Variants in INTS1 observed in about 807,000 individuals in gnomAD.
The protein encoded by INTS1 is integrator complex subunit 1.
Under a neutral mutation model 241.6 loss-of-function variants are expected in INTS1, and 137 were observed. That is an observed-to-expected ratio of 0.57 (90% CI 0.49 to 0.65). The LOEUF is 0.65. INTS1 is among the 30% of genes least tolerant of loss of function. The pLI is 0.00. For synonymous variants in INTS1, 1,692 were observed against 1,337.8 expected (o/e 1.26, Z -5.78); for missense variants, 3,073 against 3,032.2 (o/e 1.01, Z -0.32).
chr7:1,493,756 T>TCCGCTTGCACGGCAG lies in INTS1; in HGVS notation c.2065_2066insCTGCCGTGCAAGCGG (p.Ala684_Ala688dup). 2 of 1,576,286 alleles carry TCCGCTTGCACGGCAG rather than the reference T, an allele frequency of 1.3e-6. No individual in the cohort carries two copies. The highest frequency in any genetic ancestry group is 8.6e-7 in the Non-Finnish European group (1 of 1,162,722). The stretch of plus-strand genomic sequence containing the variant: ...GCCATCCCCTGCAGAAGCCATACCA[T>TCCGCTTGCACGGCAG]CCGCCTGCACGGCAGCCGCCCGCTT... On this transcript the variant is annotated inframe_insertion, in exon 15 of 48. Coordinates refer to ENST00000404767, the MANE Select transcript of INTS1 (RefSeq NM_001080453.3). This position sits in a 1 kb window ranked among gnomAD's most constrained non-coding sequence, Gnocchi z 5.3.
intron 42 of INTS1, 119 bp from the exon 43 acceptor site, chr7:1,473,303 A>G (rs1427964254): frequency 2.1e-6 from 1 of 485,138 alleles, no homozygotes; most frequent in Admixed American, 2.8e-5. Flanking sequence ...AGAGGCCAGG[A>G]CGCTCAGAGG....
Position 1,476,279 on chromosome 7 carries a change from G to T in INTS1, c.5328C>A (p.Val1776=), listed in dbSNP as rs1326702296. The T allele has an allele frequency of 6.3e-7, 1 of 1,582,772 alleles. No individual in the cohort carries two copies. Among genetic ancestry groups the T allele is most frequent in the Admixed American group, 1.8e-5 (1 of 55,666 alleles). ...CTGACAGGTGCTCCGTCACCTTCCTGACACTCTCATCGTCCCCACAGCAGC... is the reference window on the plus strand; with the variant it reads ...CTGACAGGTGCTCCGTCACCTTCCTTACACTCTCATCGTCCCCACAGCAGC... ...LSCCCGDDES[V]RKVTEHLSGC... is the part of the protein sequence containing the mutation. Residue 1776 remains valine (V), a synonymous_variant, in exon 38 of 48, where the codon GTC becomes GTA. Transcript: ENST00000404767.
intron 3 of INTS1, chr7:1,500,915 CTGT>C (rs1250182656): frequency 6.5e-6 from 1 of 152,856 alleles, no homozygotes; most frequent in Admixed American, 6.5e-5. Context: ...GTGTTTGCCA[CTGT>C]TGGATCGGAG....
rs765347552 is a variant in INTS1, at chr7:1,470,840, C to G, written c.6457+6G>C. 1 of 1,579,480 alleles carries G rather than the reference C, an allele frequency of 6.3e-7. No homozygotes were observed. Among genetic ancestry groups the G allele is most frequent in the Non-Finnish European group, 8.6e-7 (1 of 1,163,212 alleles). On this transcript the variant is annotated splice_donor_region_variant and intron_variant, in intron 47 of 47. Coordinates refer to ENST00000404767, the MANE Select transcript of INTS1 (RefSeq NM_001080453.3). ...CCAGGGCCCTGGGCGGGGGGCCAGT[C>G]CTCACCTTGGCACAGGAGAGCGTAC...
chr7:1,495,820 C>A (rs1184739428), intron 12 of INTS1, among the ~76,000 whole-genome samples: 1 of 152,156 alleles, frequency 6.6e-6, no homozygotes, highest in East Asian at 1.9e-4. Context: ...TCCTGTGAAC[C>A]CATAATCAAA....
Position 1,493,452 on chromosome 7 carries a change from C to T in INTS1, c.2068+302G>A, listed in dbSNP as rs1403555395. 2.0e-5 allele frequency among the ~76,000 whole-genome samples: 3 copies of T among 152,124 alleles called. No individual in the cohort carries two copies. The highest frequency in any genetic ancestry group is 4.4e-5 in the Non-Finnish European group (3 of 68,016). On this transcript the variant is annotated intron_variant, in intron 15 of 47. Transcript: ENST00000404767. This position sits in a 1 kb window ranked among gnomAD's most constrained non-coding sequence, Gnocchi z 5.3. Reference sequence around the variant, plus strand: ...GGATTTACAATCATTCTACCTGTCGCCTAAAGGAGGTGACAGACAGGAAAT... The same window carrying T: ...GGATTTACAATCATTCTACCTGTCGTCTAAAGGAGGTGACAGACAGGAAAT...
chr7:1,504,200 G>A (rs1356797178), intron 1 of INTS1, 123 bp downstream of exon 1: 3 of 532,626 alleles, frequency 5.6e-6, no homozygotes, highest in African/African-American at 2.0e-5. Flanking sequence ...GGCAGCAGGC[G>A]ACGCGGACGC....
chr7:1,489,106 A>T (rs951812791), intron 18 of INTS1, among the ~76,000 whole-genome samples: 17 of 151,780 alleles, frequency 1.1e-4, no homozygotes, highest in African/African-American at 3.9e-4. Flanking sequence ...GTGCCTGCGG[A>T]CCTCCCTGCT....
Position 1,494,949 on chromosome 7 carries a change from C to T in INTS1, c.1833-56G>A, listed in dbSNP as rs373342060. The T allele has an allele frequency of 9.7e-6, 15 of 1,540,848 alleles. No homozygotes were observed. In the African/African-American group the frequency reaches 1.2e-4, roughly 13 times the overall value. On this transcript the variant is annotated intron_variant, in intron 13 of 47. Coordinates refer to ENST00000404767, the MANE Select transcript of INTS1 (RefSeq NM_001080453.3). ...GATGTGGGTGCTCAGGGACCAGCCC[C>T]GTTAGTTCCAGGGAAGGGACCCCGC... is the stretch of plus-strand genomic sequence containing the variant.
intron 18 of INTS1, among the ~76,000 whole-genome samples, chr7:1,488,338 G>A (rs1161144096): frequency 6.6e-6 from 1 of 152,172 alleles, no homozygotes; most frequent in Admixed American, 6.5e-5. Flanking sequence ...GGACAGACCT[G>A]CAGGGCAGGG....
Position 1,500,216 on chromosome 7 carries a change from A to G in INTS1, c.500T>C (p.Leu167Pro). The change falls in exon 4 of 48, where the codon CTG (leucine) becomes CCG (proline). Residue 167 changes from leucine to proline, a missense_variant. By Grantham distance (98) the Leu-to-Pro change is moderately conservative (BLOSUM62 -3). Coordinates refer to ENST00000404767, the MANE Select transcript of INTS1 (RefSeq NM_001080453.3). ...GAAGATGTTGGGCTTGATCTTGGCCAGGTACATGAGGCTCAGGTAGAGGGT... is the reference window on the plus strand; with the variant it reads ...GAAGATGTTGGGCTTGATCTTGGCCGGGTACATGAGGCTCAGGTAGAGGGT... ...DSTLYLSLMY[L>P]AKIKPNIFAT... 1 of 1,603,980 alleles carries G rather than the reference A, an allele frequency of 6.2e-7. No individual in the cohort carries two copies. The highest frequency in any genetic ancestry group is 8.5e-7 in the Non-Finnish European group (1 of 1,174,030).
At chr7:1,494,337 G>A in intron 14 of INTS1, 2 of 252,882 alleles carry the variant, frequency 7.9e-6, no homozygotes, top group Non-Finnish European at 1.5e-5. Context: ...CGAGGTGGGG[G>A]CAGGGTGAAC....
At chr7:1,478,279 C>T (rs552545789) in intron 33 of INTS1, 87 bp downstream of exon 33, 17 of 1,436,662 alleles carry the variant, frequency 1.2e-5, no homozygotes, top group African/African-American at 7.0e-5. Flanking sequence ...AGACACTGTC[C>T]GTCCCCCACT....
intron 18 of INTS1, 77 bp downstream of exon 18, chr7:1,489,267 A>T: frequency 5.3e-6 from 1 of 188,376 alleles, no homozygotes; most frequent in Non-Finnish European, 7.0e-6. Flanking sequence ...AGGAGACAGC[A>T]GGGAACACAG....
At chr7:1,477,271 G>A (rs1464785702) in intron 35 of INTS1, among the ~76,000 whole-genome samples, 1 of 152,222 alleles carries the variant, frequency 6.6e-6, no homozygotes, top group African/African-American at 2.4e-5. Flanking sequence ...TGATCTACAG[G>A]GTTTGGCAGG....
chr7:1,473,389 G>T (rs551410857), intron 42 of INTS1, among the ~76,000 whole-genome samples, 177 bp downstream of exon 42: 1 of 152,202 alleles, frequency 6.6e-6, no homozygotes, highest in Non-Finnish European at 1.5e-5. Flanking sequence ...GGTTCAGACG[G>T]CTTCGGCACA....
chr7:1,470,505 C>T lies in INTS1; in HGVS notation c.*72G>A. The T allele has an allele frequency of 1.6e-6, 2 of 1,238,532 alleles. No homozygotes were observed. The highest frequency in any genetic ancestry group is 2.2e-6 in the Non-Finnish European group (2 of 900,420). 76.7% of individuals were successfully genotyped at this position (1,238,532 alleles called of 1,614,324 possible). A position where few individuals can be genotyped will look rare whatever the true frequency, so the allele number is the denominator to read the frequency against. ...GGACAGACCAGCAACGCCCACGCTT[C>T]CTGGGCTTTGCCTCGAGGATCCCCG... On this transcript the variant is annotated 3_prime_UTR_variant, in exon 48 of 48. Coordinates refer to ENST00000404767, the MANE Select transcript of INTS1 (RefSeq NM_001080453.3).
rs1782319274 is a variant in INTS1 at position 1,487,323 on chromosome 7, C to T, written c.2643G>A (p.Arg881=). Residue 881 remains arginine (R), a synonymous_variant, in exon 20 of 48, where the codon CGG becomes CGA. Coordinates refer to ENST00000404767, the MANE Select transcript of INTS1 (RefSeq NM_001080453.3). ...CTCCTGGAGCCTCGGCACTCACCTG[C>T]CGCTGGATGATGTGGAGGAGAAAGT... is the stretch of plus-strand genomic sequence containing the variant. ...NPDFLLHIIQ[R]QASSQSMPWL... The T allele has an allele frequency of 1.3e-6, 2 of 1,594,552 alleles. No homozygotes were observed. Among genetic ancestry groups the T allele is most frequent in the African/African-American group, 2.7e-5 (2 of 74,720 alleles).
chr7:1,503,920 G>A lies in INTS1; in HGVS notation c.41C>T (p.Ala14Val). 6.4e-7 allele frequency: 1 copy of A among 1,572,762 alleles called. No homozygotes were observed. Among genetic ancestry groups the A allele is most frequent in the Non-Finnish European group, 8.6e-7 (1 of 1,159,748 alleles). The change falls in exon 2 of 48, where the codon GCC (alanine) becomes GTC (valine). Residue 14 changes from alanine to valine, a missense_variant. Ala to Val is a moderately conservative substitution (Grantham distance 64). Transcript: ENST00000404767. Reference sequence around the variant, plus strand: ...AGACGCACCTGAGGGTTTGGCCGCGGCGCTGGGCCGGCGCACCGTGGTGGG... The same window carrying A: ...AGACGCACCTGAGGGTTTGGCCGCGACGCTGGGCCGGCGCACCGTGGTGGG... ...AKPTTVRRPS[A>V]AAKPSGHPPP...
Sources: gnomAD v4.1 joint callset for allele counts (sites outside exome capture counted in the v4.1 genomes callset) on GRCh38, gnomAD v4.1.1 for gene constraint, Gnocchi (gnomAD v3.1) non-coding constraint, MANE v1.5 for transcripts, NCBI Gene and HGNC (gene_info 2026-07-23, HGNC 2026-07-21) for gene names.